The following HDAC8 variants were observed in gnomAD, a reference collection of about 807,000 sequenced individuals.
The protein encoded by HDAC8 is histone deacetylase 8.
A neutral mutation model predicts 32.2 loss-of-function variants in HDAC8; 1 was observed. The ratio of observed to expected loss-of-function variants is 0.03; its 90% CI spans 0.01 to 0.15. The LOEUF (loss-of-function observed/expected upper bound fraction) is 0.15. HDAC8 is among the 10% of genes least tolerant of loss of function. The probability of loss-of-function intolerance (pLI) is 1.00; values close to 1 mark genes in which losing one functional copy is unlikely to be tolerated. For missense variants in HDAC8, 117 were observed against 300.0 expected (o/e 0.39, Z 4.51); for synonymous variants, 108 against 113.9 (o/e 0.95, Z 0.33).
rs1449587260 is a variant in HDAC8 at position 72,394,889 on chromosome X, C to T, written c.1006-43051G>A. On this transcript the variant is annotated intron_variant, in intron 9 of 10. Transcript: ENST00000373573. Reference sequence around the variant, plus strand: ...TCCTCCTCTTGTCCTTGATTATTTTCACCATAAAATGGAAACAGGGGCAAA... The same window carrying T: ...TCCTCCTCTTGTCCTTGATTATTTTTACCATAAAATGGAAACAGGGGCAAA... 5.4e-5 allele frequency among the ~76,000 whole-genome samples: 6 copies of T among 111,501 alleles called. No individual in the cohort carries two copies. In the Admixed American group the frequency reaches 5.7e-4, roughly 11 times the overall value.
At chrX:72,350,418 A>C (rs1051803552) in intron 10 of HDAC8, among the ~76,000 whole-genome samples, 25 of 111,594 alleles carry the variant, frequency 2.2e-4, no homozygotes, top group African/African-American at 8.1e-4. Context: ...CTCACAGCAA[A>C]GACTCTCCGA....
intron 10 of HDAC8, among the ~76,000 whole-genome samples, chrX:72,337,669 A>T (rs2043742815): frequency 9.0e-6 from 1 of 110,862 alleles, no homozygotes. Flanking sequence ...GTCTCCTACA[A>T]CCCTGTTCTC....
intron 9 of HDAC8, among the ~76,000 whole-genome samples, chrX:72,438,480 G>C (rs2047018817): frequency 9.0e-6 from 1 of 111,544 alleles, no homozygotes; most frequent in African/African-American, 3.3e-5. Flanking sequence ...ATTGACAAAA[G>C]TAGGCTTCAG....
chrX:72,495,289 A>G (rs781870805), intron 4 of HDAC8, 21 bp from the exon 5 acceptor site: 4 of 1,056,025 alleles, frequency 3.8e-6, no homozygotes, highest in Non-Finnish European at 5.3e-6. Context: ...ACAAGTTGCT[A>G]CAGCCAACAG....
At chrX:72,472,990 T>G (rs1387078556) in intron 7 of HDAC8, among the ~76,000 whole-genome samples, 3 of 111,456 alleles carry the variant, frequency 2.7e-5, no homozygotes, top group African/African-American at 9.8e-5. Flanking sequence ...CTAATCAGTT[T>G]CCCTGCCTCA....
chrX:72,437,419 G>A (rs1012960041), intron 9 of HDAC8, among the ~76,000 whole-genome samples: 19 of 111,583 alleles, frequency 1.7e-4, no homozygotes, highest in African/African-American at 6.2e-4. Context: ...CTGCCGTTTG[G>A]GCAGACACTG....
chrX:72,453,464 T>TAAAGAAAGAAAGAAAGAAAGAAAGAAAG lies in HDAC8; in HGVS notation c.1005+8512_1005+8539dup, dbSNP rs61443640. 2.1e-3 allele frequency among the ~76,000 whole-genome samples: 138 copies of TAAAGAAAGAAAGAAAGAAAGAAAGAAAG among 67,250 alleles called. 1 individual carries two copies. The highest frequency in any genetic ancestry group is 6.9e-3 in the Middle Eastern group (1 of 144). 58.4% of individuals were successfully genotyped at this position (67,250 alleles called of 115,157 possible). A position where few individuals can be genotyped will look rare whatever the true frequency, so the allele number is the denominator to read the frequency against. ...GGAGTAAGACTCTGTCTCTTAAAAA[T>TAAAGAAAGAAAGAAAGAAAGAAAGAAAG]AAAGAAAGAAAGAAAGAAAGAAAGA... On this transcript the variant is annotated intron_variant, in intron 9 of 10. Transcript: ENST00000373573.
chrX:72,568,605 C>T, intron 3 of HDAC8, 149 bp downstream of exon 3: 1 of 641,280 alleles, frequency 1.6e-6, no homozygotes, highest in Non-Finnish European at 2.3e-6. Flanking sequence ...ATATGGTTTG[C>T]TTGTTTAGTG....
chrX:72,462,802 T>C (rs1271746141), intron 8 of HDAC8, among the ~76,000 whole-genome samples: 15 of 111,769 alleles, frequency 1.3e-4, no homozygotes, highest in Non-Finnish European at 2.8e-4. Context: ...CATTAGAACA[T>C]TGGCCTTTAG....
intron 9 of HDAC8, among the ~76,000 whole-genome samples, chrX:72,457,712 TAGAA>T (rs1555990177): frequency 8.9e-6 from 1 of 111,898 alleles, no homozygotes; most frequent in Admixed American, 9.5e-5. Context: ...CTCAAGTAAA[TAGAA>T]AGATAAATTC....
At chrX:72,572,462 C>A in intron 1 of HDAC8, 189 bp downstream of exon 1, 1 of 426,985 alleles carries the variant, frequency 2.3e-6, no homozygotes, top group Non-Finnish European at 4.0e-6. Context: ...CCCGAAGAGA[C>A]ATGCTGCGCT....
chrX:72,446,843 A>C (rs1271549760), intron 9 of HDAC8, among the ~76,000 whole-genome samples: 1 of 112,007 alleles, frequency 8.9e-6, no homozygotes, highest in Non-Finnish European at 1.9e-5. Context: ...TCTAGAAAAA[A>C]AATGGATAAA....
intron 7 of HDAC8, among the ~76,000 whole-genome samples, chrX:72,466,472 CTA>C (rs1569319349): frequency 8.9e-5 from 10 of 112,313 alleles, no homozygotes; most frequent in Admixed American, 3.8e-4. Flanking sequence ...TAAAAAGGCT[CTA>C]CAGACGTAAC....
At chrX:72,462,258 G>A in intron 8 of HDAC8, 160 bp from the exon 9 acceptor site, 1 of 442,648 alleles carries the variant, frequency 2.3e-6, no homozygotes, top group Non-Finnish European at 3.9e-6. Flanking sequence ...AAACCACCTA[G>A]TAGGCAGACT....
intron 9 of HDAC8, among the ~76,000 whole-genome samples, chrX:72,419,543 C>T (rs923997191): frequency 2.1e-4 from 23 of 111,323 alleles, no homozygotes; most frequent in African/African-American, 5.5e-4. Flanking sequence ...ATCAAGAAAA[C>T]GAAAAGACAA....
At position 72,335,968 on chromosome X, in the gene HDAC8, C is replaced by A. The variant is rs188714987; in HGVS notation, c.1112-5892G>T. Among the ~76,000 whole-genome samples, 605 of 107,537 alleles carry A rather than the reference C, an allele frequency of 5.6e-3. 3 individuals are homozygous for A. Among genetic ancestry groups the A allele is most frequent in the African/African-American group, 0.019 (567 of 29,542 alleles). The allele number at this position is 107,537 out of a possible 115,157, so 93.4% of individuals were successfully genotyped here. A position where few individuals can be genotyped will look rare whatever the true frequency, so the allele number is the denominator to read the frequency against. ...CAACAACAACAACCCAAACAAACAA[C>A]AAAAAAGACCCCCAAACATTCATGT... On this transcript the variant is annotated intron_variant, in intron 10 of 10. Transcript: ENST00000373573.
intron 9 of HDAC8, among the ~76,000 whole-genome samples, chrX:72,380,894 T>G (rs1265890838): frequency 8.9e-6 from 1 of 112,355 alleles, no homozygotes; most frequent in Non-Finnish European, 1.9e-5. Flanking sequence ...ATATTTCACA[T>G]TTTCTTCTTA....
intron 4 of HDAC8, among the ~76,000 whole-genome samples, chrX:72,547,196 G>T (rs1250275453): frequency 1.8e-5 from 2 of 111,247 alleles, no homozygotes; most frequent in African/African-American, 6.5e-5. Context: ...TGTCAAATAC[G>T]ATTCACACTT....
chrX:72,550,026 A>G (rs782205915), intron 4 of HDAC8, among the ~76,000 whole-genome samples: 2 of 112,007 alleles, frequency 1.8e-5, no homozygotes, highest in South Asian at 7.6e-4. Flanking sequence ...GAAGTTCTTA[A>G]TCTAGGACCC....
Sources: allele counts gnomAD v4.1 joint callset (sites outside exome capture counted in the v4.1 genomes callset), GRCh38; gene constraint gnomAD v4.1.1; transcripts MANE v1.5; gene names NCBI Gene and HGNC (gene_info 2026-07-23, HGNC 2026-07-21).